Variants in KIRREL3 observed in about 807,000 individuals in gnomAD.
KIRREL3 encodes kirre like nephrin family adhesion molecule 3, also known as kin of IRRE-like protein 3.
A neutral mutation model predicts 89.7 loss-of-function variants in KIRREL3; 36 were observed. The observed-to-expected ratio is 0.40, with a 90% CI of 0.31 to 0.53. KIRREL3 has a LOEUF of 0.53. Among genes scored for constraint, KIRREL3 ranks in the 20% least tolerant of loss-of-function variants. The pLI, the probability that KIRREL3 is intolerant of heterozygous loss-of-function variation, is 0.49. For synonymous variants in KIRREL3, 445 were observed against 441.4 expected (o/e 1.01, Z -0.10); for missense variants, 864 against 1,056.6 (o/e 0.82, Z 2.53).
At chr11:126,671,920 T>C (rs1370416838) in intron 1 of KIRREL3, among the ~76,000 whole-genome samples, 2 of 152,218 alleles carry the variant, frequency 1.3e-5, no homozygotes, top group African/African-American at 4.8e-5. Flanking sequence ...ACTGCAGTCC[T>C]AGATATTTAC....
chr11:126,859,148 A>G (rs568808634), intron 1 of KIRREL3, among the ~76,000 whole-genome samples: 85 of 152,338 alleles, frequency 5.6e-4, no homozygotes, highest in African/African-American at 2.0e-3. Flanking sequence ...TTTATAATAT[A>G]CCAAAGAGAA....
intron 1 of KIRREL3, among the ~76,000 whole-genome samples, chr11:126,670,631 A>T (rs926406436): frequency 2.2e-4 from 34 of 152,214 alleles, no homozygotes; most frequent in African/African-American, 7.7e-4. Context: ...ACAGAAGTTA[A>T]TTTTTTCAAT....
chr11:126,822,241 C>G lies in KIRREL3; in HGVS notation c.55+178214G>C, dbSNP rs576689392. Among the ~76,000 whole-genome samples the G allele has an allele frequency of 6.6e-5, 10 of 152,102 alleles. No individual in the cohort carries two copies. The South Asian group carries it at 2.1e-3, about 32-fold the overall frequency. On this transcript the variant is annotated intron_variant, in intron 1 of 16. Transcript: ENST00000525144. Reference sequence around the variant, plus strand: ...TGGAATGCTGAGACATAGTAAGGGCCCTGGAAGTGTTGGCTAACGGTATTA... The same window carrying G: ...TGGAATGCTGAGACATAGTAAGGGCGCTGGAAGTGTTGGCTAACGGTATTA...
rs770954094 is a variant in KIRREL3, at chr11:126,535,454, C to A, written c.134-8767G>T. On this transcript the variant is annotated intron_variant, in intron 2 of 16. Coordinates refer to ENST00000525144, the MANE Select transcript of KIRREL3 (RefSeq NM_032531.4). The surrounding 1 kb of genome is among the most constrained non-coding windows in gnomAD (Gnocchi z 4.5). ...ACCTGTGGCCCCATTCTGAGGTTGC[C>A]CCTCAATCCCTAATTATTTCCTGAG... Among the ~76,000 whole-genome samples, 2 of 152,132 alleles carry A rather than the reference C, an allele frequency of 1.3e-5. No individual in the cohort carries two copies. Among genetic ancestry groups the A allele is most frequent in the African/African-American group, 4.8e-5 (2 of 41,426 alleles).
intron 11 of KIRREL3, among the ~76,000 whole-genome samples, chr11:126,438,192 G>A (rs1468315568): frequency 1.3e-5 from 2 of 152,254 alleles, no homozygotes; most frequent in African/African-American, 4.8e-5. Context: ...GCAGCCCCAT[G>A]AACGCGTCTA....
Position 126,501,038 on chromosome 11 carries a change from T to A in KIRREL3, c.433+20277A>T, listed in dbSNP as rs1957843095. ...GCCCTCCACCCGCTGCCGAGACATC[T>A]CCGTGTAGCTTTCCTGGCTCTGCCT... On this transcript the variant is annotated intron_variant, in intron 4 of 16. Transcript: ENST00000525144. This position sits in a 1 kb window ranked among gnomAD's most constrained non-coding sequence, Gnocchi z 5.8. Among the ~76,000 whole-genome samples the A allele has an allele frequency of 1.3e-5, 2 of 152,322 alleles. No homozygotes were observed. The highest frequency in any genetic ancestry group is 2.1e-4 in the South Asian group (1 of 4,822).
Position 126,740,542 on chromosome 11 carries a change from T to C in KIRREL3, c.56-177630A>G, listed in dbSNP as rs1378101568. Among the ~76,000 whole-genome samples, 1 of 152,156 alleles carries C rather than the reference T, an allele frequency of 6.6e-6. No homozygotes were observed. Among genetic ancestry groups the C allele is most frequent in the Non-Finnish European group, 1.5e-5 (1 of 68,028 alleles). On this transcript the variant is annotated intron_variant, in intron 1 of 16. Coordinates refer to ENST00000525144, the MANE Select transcript of KIRREL3 (RefSeq NM_032531.4). This position sits in a 1 kb window ranked among gnomAD's most constrained non-coding sequence, Gnocchi z 6.0. ...CTACCCAGGAGACATGTTCCTTATA[T>C]TTGTGATGTATTCCTATGGGCAAAG...
intron 1 of KIRREL3, among the ~76,000 whole-genome samples, chr11:126,597,969 C>T (rs753687430): frequency 6.6e-6 from 1 of 152,216 alleles, no homozygotes; most frequent in African/African-American, 2.4e-5. Context: ...GAGCAAAGAC[C>T]TGTGCCTGGC....
chr11:126,461,173 C>T (rs777853596), intron 6 of KIRREL3, among the ~76,000 whole-genome samples: 3 of 152,278 alleles, frequency 2.0e-5, no homozygotes, highest in Non-Finnish European at 2.9e-5. Context: ...AGGCCCAGCC[C>T]ACCCATGGGT....
Position 126,463,385 on chromosome 11 carries a change from G to A in KIRREL3, c.592-78C>T. 1.4e-6 allele frequency: 2 copies of A among 1,434,572 alleles called. No homozygotes were observed. Among genetic ancestry groups the A allele is most frequent in the Non-Finnish European group, 1.9e-6 (2 of 1,046,034 alleles). The allele number at this position is 1,434,572 out of a possible 1,614,324, so 88.9% of individuals were successfully genotyped here. A position where few individuals can be genotyped will look rare whatever the true frequency, so the allele number is the denominator to read the frequency against. On this transcript the variant is annotated intron_variant, in intron 5 of 16. Coordinates refer to ENST00000525144, the MANE Select transcript of KIRREL3 (RefSeq NM_032531.4). This position sits in a 1 kb window ranked among gnomAD's most constrained non-coding sequence, Gnocchi z 5.9. ...GCCAGCCTGGGTTGGGGGTAAACGAGCACCAGCTTAGACAGAAGGGGGAGC... is the reference window on the plus strand; with the variant it reads ...GCCAGCCTGGGTTGGGGGTAAACGAACACCAGCTTAGACAGAAGGGGGAGC...
intron 1 of KIRREL3, among the ~76,000 whole-genome samples, chr11:126,926,799 A>C (rs905291716): frequency 6.6e-6 from 1 of 152,194 alleles, no homozygotes; most frequent in African/African-American, 2.4e-5. Flanking sequence ...AAAAAATGAA[A>C]GCAAAGGAGA....
rs1401612880 is a variant in KIRREL3, at chr11:126,931,819, G to A, written c.55+68636C>T. Among the ~76,000 whole-genome samples, 3 of 152,110 alleles carry A rather than the reference G, an allele frequency of 2.0e-5. No individual in the cohort carries two copies. The highest frequency in any genetic ancestry group is 6.6e-5 in the Admixed American group (1 of 15,264). Reference sequence around the variant, plus strand: ...GTGACAAATGATGCTAGTAACTGAGGGCTGCCAGCACCCAGGGAGCCCCAG... The same window carrying A: ...GTGACAAATGATGCTAGTAACTGAGAGCTGCCAGCACCCAGGGAGCCCCAG... On this transcript the variant is annotated intron_variant, in intron 1 of 16. Coordinates refer to ENST00000525144, the MANE Select transcript of KIRREL3 (RefSeq NM_032531.4). This position sits in a 1 kb window ranked among gnomAD's most constrained non-coding sequence, Gnocchi z 5.1.
intron 4 of KIRREL3, among the ~76,000 whole-genome samples, chr11:126,503,597 G>A (rs1004426220): frequency 2.0e-5 from 3 of 152,164 alleles, no homozygotes; most frequent in Admixed American, 6.5e-5. Context: ...GTTTGCTGTG[G>A]ACTGAATGTT....
rs1474667361 is a variant in KIRREL3, at chr11:126,451,237, ACATGTGTGAG to A, written c.849-2090_849-2081del. Among the ~76,000 whole-genome samples, 6 of 112,572 alleles carry A rather than the reference ACATGTGTGAG, an allele frequency of 5.3e-5. No individual in the cohort carries two copies. The East Asian group carries it at 1.7e-3, about 33-fold the overall frequency. The allele number at this position is 112,572 out of a possible 152,430, so 73.9% of individuals were successfully genotyped here. A position where few individuals can be genotyped will look rare whatever the true frequency, so the allele number is the denominator to read the frequency against. Reference sequence around the variant, plus strand: ...TGTGTGGGTGTGTGTATGCATGTGTACATGTGTGAGCATGTGTGCATTGCTTGTGTGTCCG... The same window carrying A: ...TGTGTGGGTGTGTGTATGCATGTGTACATGTGTGCATTGCTTGTGTGTCCG... On this transcript the variant is annotated intron_variant, in intron 7 of 16. Transcript: ENST00000525144.
Position 126,640,387 on chromosome 11 carries a change from C to A in KIRREL3, c.56-77475G>T, listed in dbSNP as rs1944423955. 6.6e-6 allele frequency among the ~76,000 whole-genome samples: 1 copy of A among 152,170 alleles called. No individual in the cohort carries two copies. The highest frequency in any genetic ancestry group is 2.4e-5 in the African/African-American group (1 of 41,442). On this transcript the variant is annotated intron_variant, in intron 1 of 16. Transcript: ENST00000525144. The surrounding 1 kb of genome is among the most constrained non-coding windows in gnomAD (Gnocchi z 4.9). The stretch of plus-strand genomic sequence containing the variant: ...GCACACACACGCACACGCGCACACA[C>A]AGAATTAAAAGGCATCCTCATCCGG...
intron 1 of KIRREL3, among the ~76,000 whole-genome samples, chr11:126,823,079 G>A (rs1241635294): frequency 2.0e-5 from 3 of 152,146 alleles, no homozygotes; most frequent in East Asian, 1.9e-4. Context: ...CTCAGGGAGT[G>A]AGAAACAGAT....
rs971895160 is a variant in KIRREL3 at position 126,520,322 on chromosome 11, C to G, written c.433+993G>C. Among the ~76,000 whole-genome samples, 1 of 152,178 alleles carries G rather than the reference C, an allele frequency of 6.6e-6. No homozygotes were observed. The highest frequency in any genetic ancestry group is 1.5e-5 in the Non-Finnish European group (1 of 68,036). ...CTCCTGCACGCGTGCCTGGCACAGA[C>G]TCACGTGTAAGGGGGCAGCGAGGTG... On this transcript the variant is annotated intron_variant, in intron 4 of 16. Transcript: ENST00000525144. This position sits in a 1 kb window ranked among gnomAD's most constrained non-coding sequence, Gnocchi z 4.9.
chr11:126,952,341 T>A (rs1632398), intron 1 of KIRREL3, among the ~76,000 whole-genome samples: 2 of 151,958 alleles, frequency 1.3e-5, no homozygotes, highest in Non-Finnish European at 2.9e-5. Context: ...GCTGAGATCA[T>A]GCCACTGCAT....
rs59527536 is a variant in KIRREL3 at position 126,755,495 on chromosome 11, T to G, written c.56-192583A>C. ...GAGAACCGGACTGGATAAAGCCACC[T>G]CTTCCCATTGCTCTCTTTAAAAAAG... is the stretch of plus-strand genomic sequence containing the variant. On this transcript the variant is annotated intron_variant, in intron 1 of 16. Transcript: ENST00000525144. This position sits in a 1 kb window ranked among gnomAD's most constrained non-coding sequence, Gnocchi z 4.3. Among the ~76,000 whole-genome samples, 1 of 152,050 alleles carries G rather than the reference T, an allele frequency of 6.6e-6. No homozygotes were observed. Among genetic ancestry groups the G allele is most frequent in the African/African-American group, 2.4e-5 (1 of 41,372 alleles).
Sources: allele counts gnomAD v4.1 joint callset (sites outside exome capture counted in the v4.1 genomes callset), GRCh38; gene constraint gnomAD v4.1.1; non-coding constraint Gnocchi (gnomAD v3.1); transcripts MANE v1.5; gene names NCBI Gene and HGNC (gene_info 2026-07-23, HGNC 2026-07-21).